PPP1R9A: variants seen among roughly 807,000 people sequenced by gnomAD.
PPP1R9A encodes protein phosphatase 1 regulatory subunit 9A, also known as neurabin-1.
Under a neutral mutation model 141.9 loss-of-function variants are expected in PPP1R9A, and 59 were observed. That is an observed-to-expected ratio of 0.42 (90% CI 0.34 to 0.52). The LOEUF is 0.52. Among genes scored for constraint, PPP1R9A ranks in the 20% least tolerant of loss-of-function variants. PPP1R9A has a pLI of 0.10. For missense variants in PPP1R9A, 1,444 were observed against 1,611.9 expected, an observed-to-expected ratio of 0.90 and a Z score of 1.78; for synonymous variants, 500 against 569.7, an observed-to-expected ratio of 0.88 and a Z score of 1.74.
At chr7:95,255,600 C>G (rs898171667) in intron 12 of PPP1R9A, among the ~76,000 whole-genome samples, 1 of 151,770 alleles carries the variant, frequency 6.6e-6, no homozygotes, top group Non-Finnish European at 1.5e-5. Context: ...TAGGTCCTGC[C>G]GATTATACTG....
At chr7:95,162,587 T>G (rs1035275318) in intron 5 of PPP1R9A, among the ~76,000 whole-genome samples, 7 of 152,188 alleles carry the variant, frequency 4.6e-5, no homozygotes, top group Admixed American at 4.6e-4. Context: ...TCAGGTCTTT[T>G]TTTTGCTTAT....
At chr7:94,920,139 G>T (rs771659547) in intron 2 of PPP1R9A, among the ~76,000 whole-genome samples, 1 of 152,116 alleles carries the variant, frequency 6.6e-6, no homozygotes, top group Non-Finnish European at 1.5e-5. Flanking sequence ...ACCTTAAAAT[G>T]AGTAAAATAT....
chr7:94,990,500 T>C (rs1213915227), intron 2 of PPP1R9A, among the ~76,000 whole-genome samples: 1 of 152,122 alleles, frequency 6.6e-6, no homozygotes, highest in African/African-American at 2.4e-5. Flanking sequence ...TGATGTTGCA[T>C]ATCAGGGTAA....
intron 2 of PPP1R9A, among the ~76,000 whole-genome samples, chr7:94,936,311 C>G (rs1446948742): frequency 6.6e-6 from 1 of 152,138 alleles, no homozygotes; most frequent in African/African-American, 2.4e-5. Flanking sequence ...AATCAGTCTT[C>G]TTTAATTCTG....
chr7:95,185,292 A>C (rs1207054979), intron 5 of PPP1R9A, among the ~76,000 whole-genome samples: 1 of 151,918 alleles, frequency 6.6e-6, no homozygotes, highest in Non-Finnish European at 1.5e-5. Context: ...AGTGATGTTG[A>C]GCATTTTTTC....
intron 9 of PPP1R9A, among the ~76,000 whole-genome samples, chr7:95,248,935 T>C (rs572392278): frequency 6.4e-4 from 98 of 152,294 alleles, no homozygotes; most frequent in African/African-American, 2.3e-3. Flanking sequence ...TTTTGCTAAG[T>C]GCTATATGAT....
intron 8 of PPP1R9A, among the ~76,000 whole-genome samples, chr7:95,243,528 A>C (rs944024745): frequency 6.6e-6 from 1 of 152,112 alleles, no homozygotes; most frequent in African/African-American, 2.4e-5. Flanking sequence ...CATGGTTTCC[A>C]GTTGGAGTAA....
chr7:95,006,078 G>A (rs1382740054), intron 2 of PPP1R9A, among the ~76,000 whole-genome samples: 2 of 151,918 alleles, frequency 1.3e-5, no homozygotes, highest in Non-Finnish European at 2.9e-5. Flanking sequence ...ATGTCTTAAT[G>A]TTCTCTCTGT....
chr7:95,171,432 A>G (rs1205768889), intron 5 of PPP1R9A, among the ~76,000 whole-genome samples: 2 of 151,510 alleles, frequency 1.3e-5, no homozygotes, highest in Non-Finnish European at 3.0e-5. Flanking sequence ...CAGTTTTGAA[A>G]ACATAAAGTT....
At chr7:95,269,751 G>A (rs1801872422) in intron 14 of PPP1R9A, among the ~76,000 whole-genome samples, 1 of 152,048 alleles carries the variant, frequency 6.6e-6, no homozygotes. Context: ...ACTCAAGGGA[G>A]TTCTTCAGGG....
At chr7:95,112,490 A>G (rs1820741894) in intron 3 of PPP1R9A, among the ~76,000 whole-genome samples, 1 of 152,280 alleles carries the variant, frequency 6.6e-6, no homozygotes, top group South Asian at 2.1e-4. Context: ...ATCTCTGGAA[A>G]ACAGTGTGGA....
rs201869404 is a variant in PPP1R9A, at chr7:95,277,941, GAT to G, written c.3296+3774_3296+3775del. Reference sequence around the variant, plus strand: ...AGTCACGGAATGGAAAACTCTGTGAGATGTGTGTATCTCAGATGGGGAGATGT... The same window carrying G: ...AGTCACGGAATGGAAAACTCTGTGAGGTGTGTATCTCAGATGGGGAGATGT... On this transcript the variant is annotated intron_variant, in intron 16 of 19. Coordinates refer to ENST00000433360, the MANE Select transcript of PPP1R9A (RefSeq NM_001166160.2). 3.8e-3 allele frequency among the ~76,000 whole-genome samples: 573 copies of G among 152,262 alleles called. 4 individuals are homozygous for G. The highest frequency in any genetic ancestry group is 0.03 in the South Asian group (145 of 4,822).
intron 2 of PPP1R9A, among the ~76,000 whole-genome samples, chr7:95,030,239 T>C (rs1807475147): frequency 6.6e-6 from 1 of 152,218 alleles, no homozygotes; most frequent in African/African-American, 2.4e-5. Context: ...GTGTAGCTGG[T>C]CAGATCCAAA....
At chr7:95,013,653 T>C (rs1804722305) in intron 2 of PPP1R9A, among the ~76,000 whole-genome samples, 1 of 152,158 alleles carries the variant, frequency 6.6e-6, no homozygotes, top group Non-Finnish European at 1.5e-5. Context: ...CATATACTTT[T>C]TTCGTTCATT....
At chr7:95,029,893 ATTTACTAAG>A (rs1414652471) in intron 2 of PPP1R9A, among the ~76,000 whole-genome samples, 1 of 152,172 alleles carries the variant, frequency 6.6e-6, no homozygotes, top group Non-Finnish European at 1.5e-5. Flanking sequence ...TGATTGGTAC[ATTTACTAAG>A]TTTACATGTT....
chr7:95,021,763 A>C (rs1806003791), intron 2 of PPP1R9A, among the ~76,000 whole-genome samples: 1 of 152,142 alleles, frequency 6.6e-6, no homozygotes, highest in Non-Finnish European at 1.5e-5. Context: ...GAGGTTTGTC[A>C]AAGATCAGAT....
At chr7:95,166,442 A>G (rs1380041371) in intron 5 of PPP1R9A, among the ~76,000 whole-genome samples, 1 of 152,194 alleles carries the variant, frequency 6.6e-6, no homozygotes, top group Non-Finnish European at 1.5e-5. Context: ...ACATATATGT[A>G]GCCTACCAAG....
chr7:95,263,988 A>G (rs143430564), intron 12 of PPP1R9A, among the ~76,000 whole-genome samples: 3 of 152,238 alleles, frequency 2.0e-5, no homozygotes, highest in Non-Finnish European at 4.4e-5. Context: ...GCAATTGAGG[A>G]TCCTGAGGGA....
chr7:95,223,664 T>C (rs1460749416), intron 7 of PPP1R9A, among the ~76,000 whole-genome samples: 1 of 152,074 alleles, frequency 6.6e-6, no homozygotes, highest in African/African-American at 2.4e-5. Flanking sequence ...TCATTTCAAC[T>C]CATGTTTAAA....
Sources: allele counts gnomAD v4.1 joint callset (sites outside exome capture counted in the v4.1 genomes callset), GRCh38; gene constraint gnomAD v4.1.1; transcripts MANE v1.5; gene names NCBI Gene and HGNC (gene_info 2026-07-23, HGNC 2026-07-21).